Variants in CCDC73 observed in about 807,000 individuals in gnomAD.
The protein encoded by CCDC73 is coiled-coil domain containing 73, also known as coiled-coil domain-containing protein 73.
A neutral mutation model predicts 116.5 loss-of-function variants in CCDC73; 95 were observed. The observed-to-expected ratio is 0.82, with a 90% CI of 0.69 to 0.97. The LOEUF is 0.97. CCDC73 is among the 50% of genes least tolerant of loss of function. CCDC73 has a pLI of 0.00. For synonymous variants in CCDC73, 398 were observed against 401.3 expected, an observed-to-expected ratio of 0.99 and a Z score of 0.10; for missense variants, 1,066 against 1,206.8, an observed-to-expected ratio of 0.88 and a Z score of 1.73.
At chr11:32,785,097 T>C (rs140911187) in intron 1 of CCDC73, among the ~76,000 whole-genome samples, 2,576 of 151,514 alleles carry the variant, frequency 0.017, 76 homozygotes, top group African/African-American at 0.057. Context: ...ACCCGGGAGG[T>C]AGAGGTTGCA....
chr11:32,824,680 G>A, the CCDC73 span, among the ~76,000 whole-genome samples: 2 of 152,246 alleles, frequency 1.3e-5, no homozygotes, highest in East Asian at 1.9e-4. Flanking sequence ...TCAAGGGACT[G>A]TCAGGATTGA....
upstream of CCDC73, among the ~76,000 whole-genome samples, chr11:32,799,123 A>C (rs1590654185): frequency 1.5e-5 from 2 of 132,568 alleles, no homozygotes; most frequent in African/African-American, 2.9e-5. Flanking sequence ...ACAGAGTTTC[A>C]CTCTGTCACC....
At chr11:32,792,676 A>G (rs752671298) in intron 1 of CCDC73, among the ~76,000 whole-genome samples, 7 of 152,262 alleles carry the variant, frequency 4.6e-5, no homozygotes, top group Non-Finnish European at 1.0e-4. Flanking sequence ...AAACTCAGTC[A>G]GATTTCTCAT....
chr11:32,790,631 T>C (rs992661347), intron 1 of CCDC73, among the ~76,000 whole-genome samples: 17 of 152,084 alleles, frequency 1.1e-4, no homozygotes, highest in Admixed American at 5.2e-4. Flanking sequence ...AAACATTCTC[T>C]GTTCATACTA....
At chr11:32,821,694 T>C in the CCDC73 span, among the ~76,000 whole-genome samples, 1 of 152,182 alleles carries the variant, frequency 6.6e-6, no homozygotes, top group Non-Finnish European at 1.5e-5. Flanking sequence ...TAAGTGCAAT[T>C]ACTGAATGAT....
the CCDC73 span, among the ~76,000 whole-genome samples, chr11:32,814,141 G>T: frequency 6.6e-6 from 1 of 152,088 alleles, no homozygotes; most frequent in Non-Finnish European, 1.5e-5. Context: ...TTATTGCCCT[G>T]AGATTCAACA....
chr11:32,700,323 G>C (rs985686517), intron 5 of CCDC73, among the ~76,000 whole-genome samples: 2 of 152,214 alleles, frequency 1.3e-5, no homozygotes, highest in Non-Finnish European at 2.9e-5. Flanking sequence ...TTTAGCGTCA[G>C]ATAAATTTCT....
chr11:32,743,219 G>A (rs954387716), intron 2 of CCDC73, among the ~76,000 whole-genome samples: 12 of 152,176 alleles, frequency 7.9e-5, no homozygotes, highest in Non-Finnish European at 1.5e-4. Flanking sequence ...GATGGGGACA[G>A]CATTGAATCT....
At chr11:32,749,272 ATTCT>A (rs1438715565) in intron 2 of CCDC73, among the ~76,000 whole-genome samples, 2 of 151,728 alleles carry the variant, frequency 1.3e-5, no homozygotes, top group Non-Finnish European at 2.9e-5. Context: ...AAGCTCACTA[ATTCT>A]TTCTTCTGCT....
At chr11:32,672,155 A>G (rs953145579) in intron 9 of CCDC73, among the ~76,000 whole-genome samples, 8 of 152,156 alleles carry the variant, frequency 5.3e-5, no homozygotes, top group African/African-American at 1.9e-4. Flanking sequence ...CAGCCTGGCC[A>G]AGACAGTGAA....
At chr11:32,675,822 T>C (rs1349847115) in intron 8 of CCDC73, 64 bp downstream of exon 8, 6 of 1,365,012 alleles carry the variant, frequency 4.4e-6, no homozygotes, top group African/African-American at 2.9e-5. Flanking sequence ...AATGTATTCA[T>C]AGTAAATAAG....
chr11:32,635,781 G>T lies in CCDC73; in HGVS notation c.1100C>A (p.Ser367Tyr). The T allele has an allele frequency of 8.0e-7, 1 of 1,252,292 alleles. No individual in the cohort carries two copies. Among genetic ancestry groups the T allele is most frequent in the Non-Finnish European group, 1.0e-6 (1 of 969,972 alleles). The allele number at this position is 1,252,292 out of a possible 1,614,324, so 77.6% of individuals were successfully genotyped here. ...EINKIKNELS[S>Y]LKETHIKLQE... ...TAACTTAATATGAGTTTCTTTAAGGGATGATAATTCATTTTTAATCTTATT... is the reference window on the plus strand; with the variant it reads ...TAACTTAATATGAGTTTCTTTAAGGTATGATAATTCATTTTTAATCTTATT... The change falls in exon 14 of 18, where the codon TCC becomes TAC. Residue 367 changes from serine (S) to tyrosine (Y), a missense_variant. Coordinates refer to ENST00000335185, the MANE Select transcript of CCDC73 (RefSeq NM_001008391.4).
chr11:32,675,177 TCTAA>T (rs1856075165), intron 9 of CCDC73, among the ~76,000 whole-genome samples: 2 of 152,212 alleles, frequency 1.3e-5, no homozygotes, highest in African/African-American at 4.8e-5. Context: ...ACCACCAGAC[TCTAA>T]CTTTCGTAAA....
At chr11:32,620,828 C>T (rs911298782) in intron 14 of CCDC73, among the ~76,000 whole-genome samples, 1 of 151,764 alleles carries the variant, frequency 6.6e-6, no homozygotes, top group Non-Finnish European at 1.5e-5. Context: ...AACAAAAATG[C>T]CATAAAGACA....
chr11:32,809,148 A>G, the CCDC73 span, among the ~76,000 whole-genome samples: 3 of 152,252 alleles, frequency 2.0e-5, no homozygotes, highest in Non-Finnish European at 2.9e-5. Context: ...AAACTTAAAC[A>G]TCATAAGCAT....
chr11:32,719,019 A>T (rs10767956), intron 2 of CCDC73, among the ~76,000 whole-genome samples: 88,517 of 151,872 alleles, frequency 0.58, 26,130 homozygotes, highest in East Asian at 0.84. Context: ...CCATGCCAAT[A>T]AGCATCAAGT....
At chr11:32,786,101 T>G (rs1344789087) in intron 1 of CCDC73, among the ~76,000 whole-genome samples, 2 of 151,980 alleles carry the variant, frequency 1.3e-5, no homozygotes, top group Admixed American at 1.3e-4. Context: ...GATCAAAATA[T>G]TCTTACACTT....
intron 1 of CCDC73, among the ~76,000 whole-genome samples, chr11:32,784,680 G>C (rs1409867759): frequency 2.0e-5 from 3 of 152,170 alleles, no homozygotes; most frequent in Non-Finnish European, 4.4e-5. Context: ...CTCTGAAAAG[G>C]AAGAAATGGC....
Position 32,614,288 on chromosome 11 carries a change from A to C in CCDC73, c.2030T>G (p.Leu677Ter). The C allele has an allele frequency of 6.2e-7, 1 of 1,613,428 alleles. No homozygotes were observed. Among genetic ancestry groups the C allele is most frequent in the Non-Finnish European group, 8.5e-7 (1 of 1,179,558 alleles). ...LLTKKSECSILLSKQTSDFLQ... is the reference protein window; with the variant it reads ...LLTKKSECSI ...AAAATCTGAAGTTTGTTTAGAAAGT[A>C]ATATGCTGCACTCACTTTTTTTAGT... Residue 677 changes from leucine to a stop codon, truncating the protein, a stop_gained, in exon 16 of 18, where the codon TTA becomes TGA. Transcript: ENST00000335185. LOFTEE classifies it high-confidence loss of function.
Sources: allele counts gnomAD v4.1 joint callset (sites outside exome capture counted in the v4.1 genomes callset), GRCh38; gene constraint gnomAD v4.1.1; transcripts MANE v1.5; gene names NCBI Gene and HGNC (gene_info 2026-07-23, HGNC 2026-07-21).